The following FARS2 variants were observed in gnomAD, a reference collection of about 807,000 sequenced individuals.
The protein encoded by FARS2 is phenylalanyl-tRNA synthetase 2, mitochondrial, also known as phenylalanine--tRNA ligase, mitochondrial.
Under a neutral mutation model 46.4 loss-of-function variants are expected in FARS2, and 40 were observed. The ratio of observed to expected loss-of-function variants is 0.86; its 90% CI spans 0.67 to 1.12. The LOEUF is 1.12. FARS2 is among the 50% of genes most tolerant of loss of function. The pLI is 0.00. For missense variants in FARS2, 513 were observed against 567.9 expected (o/e 0.90, Z 0.98); for synonymous variants, 234 against 214.9 (o/e 1.09, Z -0.78).
chr6:5,338,662 C>CT (rs1235652470), intron 1 of FARS2, among the ~76,000 whole-genome samples: 2 of 149,246 alleles, frequency 1.3e-5, no homozygotes, highest in African/African-American at 4.9e-5. Flanking sequence ...TTGCAGGGCA[C>CT]TTCATGGCAT....
At chr6:5,739,922 C>T (rs1242619403) in intron 6 of FARS2, among the ~76,000 whole-genome samples, 1 of 152,208 alleles carries the variant, frequency 6.6e-6, no homozygotes, top group Non-Finnish European at 1.5e-5. Flanking sequence ...TGATTTAATC[C>T]CATCAGCAAC....
chr6:5,722,619 A>AG (rs1759984330), intron 6 of FARS2, among the ~76,000 whole-genome samples: 1 of 152,164 alleles, frequency 6.6e-6, no homozygotes, highest in African/African-American at 2.4e-5. Context: ...GAGCATGGTG[A>AG]GGAGGGGGAA....
intron 6 of FARS2, among the ~76,000 whole-genome samples, chr6:5,628,858 A>G (rs1776158349): frequency 6.6e-6 from 1 of 152,198 alleles, no homozygotes. Context: ...TTTGATGTGC[A>G]CTGCCATCAC....
chr6:5,635,884 A>C (rs949946920), intron 6 of FARS2, among the ~76,000 whole-genome samples: 1 of 152,230 alleles, frequency 6.6e-6, no homozygotes, highest in African/African-American at 2.4e-5. Flanking sequence ...AGTCACTGTC[A>C]GTGTTCATGA....
intron 4 of FARS2, among the ~76,000 whole-genome samples, chr6:5,444,785 C>G (rs191834): frequency 0.15 from 4,356 of 28,304 alleles, 196 homozygotes; most frequent in African/African-American, 0.21. Flanking sequence ...TAAAATGGGG[C>G]GGGGGGGAAC....
chr6:5,363,102 A>G (rs1758422020), intron 1 of FARS2, among the ~76,000 whole-genome samples: 1 of 151,268 alleles, frequency 6.6e-6, no homozygotes, highest in African/African-American at 2.4e-5. Flanking sequence ...AATTTTTTAT[A>G]TTTTTAGTAG....
At chr6:5,641,913 A>G (rs1776840095) in intron 6 of FARS2, among the ~76,000 whole-genome samples, 1 of 152,144 alleles carries the variant, frequency 6.6e-6, no homozygotes, top group Admixed American at 6.5e-5. Flanking sequence ...ACCTACATGT[A>G]GGTCCATCGG....
chr6:5,546,905 A>G (rs890940108), intron 5 of FARS2, among the ~76,000 whole-genome samples: 2 of 151,374 alleles, frequency 1.3e-5, no homozygotes, highest in African/African-American at 4.9e-5. Flanking sequence ...ATTCTTCCTT[A>G]AATTCTTTCA....
chr6:5,274,651 A>G (rs1766203176), intron 1 of FARS2, among the ~76,000 whole-genome samples: 1 of 152,142 alleles, frequency 6.6e-6, no homozygotes, highest in South Asian at 2.1e-4. Flanking sequence ...TGTTTTGTTA[A>G]CAACTAATGT....
chr6:5,268,308 G>C (rs1369384952), intron 1 of FARS2, among the ~76,000 whole-genome samples: 2 of 151,812 alleles, frequency 1.3e-5, no homozygotes, highest in African/African-American at 2.4e-5. Flanking sequence ...GTATTGCCTA[G>C]GTTTTCTTCT....
intron 2 of FARS2, among the ~76,000 whole-genome samples, chr6:5,387,171 A>G (rs1011949713): frequency 6.6e-6 from 1 of 152,218 alleles, no homozygotes; most frequent in African/African-American, 2.4e-5. Flanking sequence ...GAATATATTC[A>G]TAGAGGAGAA....
intron 6 of FARS2, among the ~76,000 whole-genome samples, chr6:5,694,337 T>C (rs1424634445): frequency 2.6e-5 from 4 of 152,226 alleles, no homozygotes; most frequent in Non-Finnish European, 5.9e-5. Flanking sequence ...CCAAAAAAGC[T>C]ACTGCCACTC....
chr6:5,334,250 A>T (rs916543783), intron 1 of FARS2, among the ~76,000 whole-genome samples: 1 of 152,178 alleles, frequency 6.6e-6, no homozygotes, highest in Non-Finnish European at 1.5e-5. Context: ...GGGTGCAGGG[A>T]GTATGGCACT....
At position 5,545,214 on chromosome 6, in the gene FARS2, C is replaced by T. The variant is rs1416763353; in HGVS notation, c.939C>T (p.Gly313=). ...AAGACCGAATCGGCTGGGCTTTTGG[C>T]CTAGGATTAGAAAGGCTAGCCATGA... is the stretch of plus-strand genomic sequence containing the variant. ...GAQDRIGWAF[G]LGLERLAMIL... is the part of the protein sequence containing the mutation. Residue 313 remains glycine, a synonymous_variant, in exon 5 of 7, where the codon GGC becomes GGT. Transcript: ENST00000274680. 1.2e-6 allele frequency: 2 copies of T among 1,613,926 alleles called. No homozygotes were observed. The highest frequency in any genetic ancestry group is 8.5e-7 in the Non-Finnish European group (1 of 1,179,878).
intron 3 of FARS2, among the ~76,000 whole-genome samples, chr6:5,412,959 G>T (rs1269423174): frequency 6.6e-6 from 1 of 152,198 alleles, no homozygotes; most frequent in African/African-American, 2.4e-5. Flanking sequence ...CAACCTCTGA[G>T]ACTTGGGATC....
chr6:5,535,304 G>C (rs1322003890), intron 4 of FARS2, among the ~76,000 whole-genome samples: 1 of 152,116 alleles, frequency 6.6e-6, no homozygotes, highest in African/African-American at 2.4e-5. Context: ...ATTGTTCATT[G>C]TTAGTGTATA....
In FARS2 at chr6:5,425,199, G is replaced by T. The variant is rs139871505; in HGVS notation, c.773-5842G>T. Among the ~76,000 whole-genome samples, 65 of 152,102 alleles carry T rather than the reference G, an allele frequency of 4.3e-4. 1 individual carries two copies. In the East Asian group the frequency reaches 0.012, roughly 28 times the overall value. On this transcript the variant is annotated intron_variant, in intron 3 of 6. Coordinates refer to ENST00000274680, the MANE Select transcript of FARS2 (RefSeq NM_006567.5). ...TAATTTTAAAAAATTATTCATGGAG[G>T]GTACCCCTGGTTTGGTGTAGAAAAT... is the stretch of plus-strand genomic sequence containing the variant.
At chr6:5,615,139 A>T (rs1203476596) in intron 6 of FARS2, among the ~76,000 whole-genome samples, 2 of 151,592 alleles carry the variant, frequency 1.3e-5, no homozygotes, top group Non-Finnish European at 2.9e-5. Context: ...ATTGGATTGG[A>T]CTCTTATTTA....
chr6:5,531,975 G>A (rs894785996), intron 4 of FARS2, among the ~76,000 whole-genome samples: 2 of 152,162 alleles, frequency 1.3e-5, no homozygotes, highest in Admixed American at 6.5e-5. Context: ...CAATACCACT[G>A]CTAACTACTA....
Sources: allele counts gnomAD v4.1 joint callset (sites outside exome capture counted in the v4.1 genomes callset), GRCh38; gene constraint gnomAD v4.1.1; transcripts MANE v1.5; gene names NCBI Gene and HGNC (gene_info 2026-07-23, HGNC 2026-07-21).